The following DMD variants were observed in gnomAD, a reference collection of about 807,000 sequenced individuals.
The protein encoded by DMD is mutant dystrophin.
In DMD, 63 loss-of-function variants were observed where a neutral mutation model predicts 330.1. The observed-to-expected ratio is 0.19, with a 90% CI of 0.16 to 0.24. DMD has a LOEUF of 0.24. Among genes scored for constraint, DMD ranks in the 10% least tolerant of loss-of-function variants. DMD has a pLI of 1.00. For synonymous variants in DMD, 1,223 were observed against 959.8 expected (o/e 1.27, Z -5.07); for missense variants, 3,344 against 2,684.1 (o/e 1.25, Z -5.43).
At chrX:33,297,171 T>G (rs1029437988) in intron 1 of DMD, among the ~76,000 whole-genome samples, 1 of 111,548 alleles carries the variant, frequency 9.0e-6, no homozygotes, top group Admixed American at 9.6e-5. Context: ...ACACACACAT[T>G]AGTGTACATA....
chrX:32,056,260 G>A (rs931058729), intron 44 of DMD, among the ~76,000 whole-genome samples: 5 of 109,087 alleles, frequency 4.6e-5, no homozygotes, highest in South Asian at 3.9e-4. Context: ...AGTTAGCAGA[G>A]GGAAGGAAAT....
At chrX:33,248,431 CATT>C (rs747851445) in intron 1 of DMD, among the ~76,000 whole-genome samples, 1 of 112,264 alleles carries the variant, frequency 8.9e-6, no homozygotes, top group Non-Finnish European at 1.9e-5. Flanking sequence ...AGGAAATTAT[CATT>C]ATTTTATTTT....
At chrX:31,463,912 T>A (rs1469541894) in intron 59 of DMD, among the ~76,000 whole-genome samples, 1 of 111,830 alleles carries the variant, frequency 8.9e-6, no homozygotes, top group African/African-American at 3.2e-5. Context: ...TGGGTATAGG[T>A]TTCAATCATA....
chrX:31,657,817 G>A (rs753429668), intron 54 of DMD, among the ~76,000 whole-genome samples, 173 bp downstream of exon 54: 4 of 111,301 alleles, frequency 3.6e-5, no homozygotes, highest in Admixed American at 1.9e-4. Context: ...TATGTTCCTC[G>A]TTTTTAAAAT....
chrX:31,260,087 A>T (rs1468146658), intron 63 of DMD, among the ~76,000 whole-genome samples: 1 of 111,691 alleles, frequency 9.0e-6, no homozygotes, highest in Non-Finnish European at 1.9e-5. Flanking sequence ...AATAAATTTT[A>T]AAAATGAGCT....
chrX:31,780,825 T>C (rs1160057714), intron 50 of DMD, among the ~76,000 whole-genome samples: 1 of 111,873 alleles, frequency 8.9e-6, no homozygotes, highest in Admixed American at 9.5e-5. Flanking sequence ...GTAAATAAAA[T>C]ATATGACACA....
intron 62 of DMD, among the ~76,000 whole-genome samples, chrX:31,284,429 C>T (rs1255407318): frequency 9.0e-6 from 1 of 111,186 alleles, no homozygotes; most frequent in African/African-American, 3.3e-5. Context: ...TCAGCATAGG[C>T]ATTTAGTATA....
intron 44 of DMD, among the ~76,000 whole-genome samples, chrX:32,152,130 G>A (rs1435824897): frequency 9.0e-6 from 1 of 111,731 alleles, no homozygotes; most frequent in Non-Finnish European, 1.9e-5. Context: ...GAAGAAAGAA[G>A]GCAGGATAAC....
chrX:32,379,365 A>T (rs1485758589), intron 34 of DMD, among the ~76,000 whole-genome samples: 1 of 111,024 alleles, frequency 9.0e-6, no homozygotes, highest in Non-Finnish European at 1.9e-5. Context: ...TCATTACCTT[A>T]TAACATTTGA....
intron 2 of DMD, among the ~76,000 whole-genome samples, chrX:32,993,605 A>G (rs2093037466): frequency 9.1e-6 from 1 of 110,034 alleles, no homozygotes; most frequent in South Asian, 3.9e-4. Flanking sequence ...TCTCAAAAAA[A>G]GGAAAAAAAA....
chrX:31,485,500 A>G (rs2068723597), intron 57 of DMD, among the ~76,000 whole-genome samples: 1 of 111,801 alleles, frequency 8.9e-6, no homozygotes, highest in Admixed American at 9.6e-5. Context: ...CTGGCCACTG[A>G]TTATTTTTTT....
intron 48 of DMD, among the ~76,000 whole-genome samples, chrX:31,856,006 T>C (rs1298048548): frequency 8.9e-6 from 1 of 111,872 alleles, no homozygotes; most frequent in African/African-American, 3.2e-5. Context: ...ACGATAAGAT[T>C]TTGGATAAGG....
At chrX:31,241,989 G>C (rs893712868) in intron 63 of DMD, among the ~76,000 whole-genome samples, 1 of 110,813 alleles carries the variant, frequency 9.0e-6, no homozygotes, top group Non-Finnish European at 1.9e-5. Flanking sequence ...AGGCGCGGTG[G>C]CTCATTCTTG....
chrX:33,319,095 G>A (rs1044983915), intron 1 of DMD, among the ~76,000 whole-genome samples: 2 of 109,676 alleles, frequency 1.8e-5, no homozygotes, highest in Admixed American at 9.9e-5. Flanking sequence ...ACAGCAACAA[G>A]GTACCATCTA....
chrX:32,473,180 G>A (rs1230875199), intron 21 of DMD, among the ~76,000 whole-genome samples: 2 of 110,820 alleles, frequency 1.8e-5, no homozygotes, highest in Non-Finnish European at 3.8e-5. Context: ...CATATTTTAG[G>A]GATAATCCAA....
intron 29 of DMD, among the ~76,000 whole-genome samples, chrX:32,421,766 G>A (rs752648572): frequency 9.0e-6 from 1 of 111,650 alleles, no homozygotes; most frequent in Non-Finnish European, 1.9e-5. Context: ...AGAATAAACA[G>A]GTTTCCGGTG....
At chrX:31,258,068 A>C (rs2050144018) in intron 63 of DMD, among the ~76,000 whole-genome samples, 1 of 112,708 alleles carries the variant, frequency 8.9e-6, no homozygotes, top group African/African-American at 3.2e-5. Context: ...ATACCACTCA[A>C]GTAACTTACT....
At chrX:32,783,345 A>G (rs974263108) in intron 7 of DMD, among the ~76,000 whole-genome samples, 1 of 102,804 alleles carries the variant, frequency 9.7e-6, no homozygotes, top group Non-Finnish European at 2.0e-5. Context: ...ATATACACAT[A>G]TATGGTATAT....
chrX:32,018,185 A>G (rs1161847389), intron 44 of DMD, among the ~76,000 whole-genome samples: 1 of 111,590 alleles, frequency 9.0e-6, no homozygotes, highest in Non-Finnish European at 1.9e-5. Flanking sequence ...CATGCTTAAT[A>G]CTGTTCGATC....
Sources: allele counts gnomAD v4.1 joint callset (sites outside exome capture counted in the v4.1 genomes callset), GRCh38; gene constraint gnomAD v4.1.1; transcripts MANE v1.5; gene names NCBI Gene and HGNC (gene_info 2026-07-23, HGNC 2026-07-21).